The following CHFR variants were observed in gnomAD, a reference collection of about 807,000 sequenced individuals.
CHFR encodes checkpoint with forkhead and ring finger domains.
A neutral mutation model predicts 87.6 loss-of-function variants in CHFR; 57 were observed. The observed-to-expected ratio is 0.65, with a 90% CI of 0.53 to 0.81. The LOEUF (loss-of-function observed/expected upper bound fraction) is 0.81, where lower values mean the gene tolerates loss of function less well. Ranked by LOEUF, CHFR falls within the 30% of genes least tolerant of loss-of-function variation. The pLI is 0.00. For synonymous variants in CHFR, 381 were observed against 359.2 expected (o/e 1.06, Z -0.69); for missense variants, 797 against 865.8 (o/e 0.92, Z 1.00).
chr12:132,855,676 GA>G (rs911135408), intron 10 of CHFR, among the ~76,000 whole-genome samples: 27 of 149,078 alleles, frequency 1.8e-4, no homozygotes, highest in African/African-American at 3.7e-4. Flanking sequence ...AAAAAAAAAA[GA>G]AAAAAAAAAT....
intron 11 of CHFR, 89 bp downstream of exon 11, chr12:132,853,342 G>T (rs1950987999): frequency 1.5e-6 from 2 of 1,326,294 alleles, no homozygotes; most frequent in South Asian, 1.7e-5. Flanking sequence ...ACAGGAGGCG[G>T]GCAGAGCGCG....
intron 7 of CHFR, among the ~76,000 whole-genome samples, chr12:132,860,863 C>T (rs924706076): frequency 2.0e-5 from 3 of 152,208 alleles, no homozygotes; most frequent in African/African-American, 7.2e-5. Flanking sequence ...AGCAATTCTC[C>T]TGCCTCAGCC....
intron 15 of CHFR, among the ~76,000 whole-genome samples, chr12:132,845,375 T>C (rs1364513186): frequency 1.3e-5 from 2 of 151,846 alleles, no homozygotes; most frequent in African/African-American, 4.8e-5. Context: ...AGGACAATTG[T>C]TGAACCTGGG....
intron 6 of CHFR, among the ~76,000 whole-genome samples, chr12:132,869,295 G>T (rs1361390100): frequency 6.6e-6 from 1 of 151,996 alleles, no homozygotes; most frequent in African/African-American, 2.4e-5. Flanking sequence ...TTTCCTTTTC[G>T]TGTCAATGAG....
At chr12:132,842,921 A>G (rs549054300) in intron 17 of CHFR, 90 bp downstream of exon 17, 1 of 1,062,090 alleles carries the variant, frequency 9.4e-7, no homozygotes, top group Non-Finnish European at 1.4e-6. Flanking sequence ...ACCTGAGAGA[A>G]GCATAATGAC....
intron 6 of CHFR, among the ~76,000 whole-genome samples, chr12:132,862,848 G>A (rs1951247543): frequency 6.6e-6 from 1 of 151,270 alleles, no homozygotes; most frequent in Non-Finnish European, 1.5e-5. Context: ...CCAAAGTGCT[G>A]GGATTAAAGG....
chr12:132,843,023 G>GCTTT lies in CHFR; in HGVS notation c.1900_1903dup (p.Ala635GlufsTer13). The GCTTT allele has an allele frequency of 6.2e-7, 1 of 1,612,542 alleles. No homozygotes were observed. The highest frequency in any genetic ancestry group is 8.5e-7 in the Non-Finnish European group (1 of 1,179,428). The stretch of plus-strand genomic sequence containing the variant: ...CAGCTGCACTCACATGGCGTGGTGA[G>GCTTT]CTTTCACCTGAGTGCGGCAGTTACG... On this transcript the variant is annotated frameshift_variant, in exon 17 of 18. Transcript: ENST00000450056. LOFTEE classifies it high-confidence loss of function.
At chr12:132,860,318 T>C (rs1951184346) in intron 7 of CHFR, among the ~76,000 whole-genome samples, 1 of 152,218 alleles carries the variant, frequency 6.6e-6, no homozygotes. Context: ...TAGTTCATGA[T>C]ACTGTATTTG....
intron 6 of CHFR, among the ~76,000 whole-genome samples, chr12:132,865,365 T>C (rs1400191214): frequency 6.6e-6 from 1 of 152,148 alleles, no homozygotes; most frequent in Non-Finnish European, 1.5e-5. Context: ...ATGTTTTCTT[T>C]TCTTTTTTTT....
intron 6 of CHFR, chr12:132,865,832 G>C (rs1012144704): frequency 1.3e-5 from 2 of 151,474 alleles, no homozygotes; most frequent in Non-Finnish European, 2.9e-5. Flanking sequence ...GCTAATTTTT[G>C]TATTTTTTAT....
In CHFR at chr12:132,848,696, G is replaced by C; in HGVS notation, c.1521C>G (p.His507Gln). ...QCAVCLQPFCHLYWGCTRTGC... is the reference protein window; with the variant it reads ...QCAVCLQPFCQLYWGCTRTGC... ...CGGTCCGGGTGCAGCCCCAGTACAG[G>C]TGGCAGAAAGGCTGCAGGCAGACCG... is the stretch of plus-strand genomic sequence containing the variant. Residue 507 changes from histidine (H) to glutamine (Q), a missense_variant, in exon 13 of 18, where the codon CAC (histidine) becomes CAG (glutamine). Physicochemically the swap from His to Gln is conservative, Grantham distance 24 (BLOSUM62 0). This residue lies in a region of CHFR where 200 missense variants were observed against 264.6 expected (regional missense o/e 0.76). Transcript: ENST00000450056. 1 of 1,592,328 alleles carries C rather than the reference G, an allele frequency of 6.3e-7. No individual in the cohort carries two copies.
rs1452092288 is a variant in CHFR at position 132,836,928 on chromosome 12, T to G, written c.*4626A>C. The G allele has an allele frequency of 2.2e-5, 8 of 369,716 alleles. No homozygotes were observed. In the East Asian group the frequency reaches 5.1e-4, roughly 24 times the overall value. 22.9% of individuals were successfully genotyped at this position (369,716 alleles called of 1,614,324 possible). On this transcript the variant is annotated 3_prime_UTR_variant, in exon 18 of 18. Transcript: ENST00000450056. ...CAGGCAAGATCCCTGCTCTATTTTT[T>G]TGAGAGGGGGAGACAAACGGTAAAC... is the stretch of plus-strand genomic sequence containing the variant.
chr12:132,874,126 G>A (rs1951560018), intron 3 of CHFR, among the ~76,000 whole-genome samples: 1 of 152,254 alleles, frequency 6.6e-6, no homozygotes, highest in Non-Finnish European at 1.5e-5. Flanking sequence ...TTCAGACCTG[G>A]ATTTTAGCCC....
chr12:132,878,825 A>C (rs1951694904), intron 2 of CHFR, among the ~76,000 whole-genome samples: 1 of 141,638 alleles, frequency 7.1e-6, no homozygotes, highest in Admixed American at 7.0e-5. Context: ...GTCTCAAAAA[A>C]AAAAAAAGAA....
chr12:132,860,560 C>T (rs919347264), intron 7 of CHFR, among the ~76,000 whole-genome samples: 2 of 152,230 alleles, frequency 1.3e-5, no homozygotes, highest in Non-Finnish European at 2.9e-5. Context: ...ACCTTCCTGT[C>T]ACAGTGCCCC....
intron 3 of CHFR, among the ~76,000 whole-genome samples, chr12:132,872,803 A>G (rs149411171): frequency 6.6e-6 from 1 of 152,306 alleles, no homozygotes; most frequent in East Asian, 1.9e-4. Flanking sequence ...CATGCCTCCA[A>G]TGAGTACTGA....
At chr12:132,851,829 G>A (rs1950953584) in intron 11 of CHFR, 92 bp from the exon 12 acceptor site, 1 of 1,452,358 alleles carries the variant, frequency 6.9e-7, no homozygotes, top group East Asian at 2.5e-5. Flanking sequence ...AGCGAGGAGA[G>A]GTGCACCTGA....
intron 2 of CHFR, among the ~76,000 whole-genome samples, chr12:132,886,282 T>C (rs190271333): frequency 1.6e-4 from 24 of 151,304 alleles, no homozygotes; most frequent in African/African-American, 5.6e-4. Flanking sequence ...TGCACCCCAG[T>C]CTGGGCCACA....
At chr12:132,844,913 G>A (rs950878511) in intron 15 of CHFR, among the ~76,000 whole-genome samples, 2 of 152,114 alleles carry the variant, frequency 1.3e-5, no homozygotes, top group East Asian at 3.9e-4. Flanking sequence ...GATTACAGGC[G>A]TGAGCCTCCA....
Sources: gnomAD v4.1 joint callset for allele counts (sites outside exome capture counted in the v4.1 genomes callset) on GRCh38, gnomAD v4.1.1 for gene constraint, gnomAD v4.1.1 regional missense constraint, MANE v1.5 for transcripts, NCBI Gene and HGNC (gene_info 2026-07-23, HGNC 2026-07-21) for gene names.